Variants in SCAF4 observed in about 807,000 individuals in gnomAD.
SCAF4 encodes the protein SR-related and CTD-associated factor 4.
In SCAF4, 25 loss-of-function variants were observed where a neutral mutation model predicts 129.8. The observed-to-expected ratio is 0.19, with a 90% CI of 0.14 to 0.27. The LOEUF (loss-of-function observed/expected upper bound fraction) is 0.27, where lower values mean the gene tolerates loss of function less well. Ranked by LOEUF, SCAF4 falls within the 10% of genes least tolerant of loss-of-function variation. SCAF4 has a pLI of 1.00. For missense variants in SCAF4, 1,246 were observed against 1,457.1 expected, an observed-to-expected ratio of 0.86 and a Z score of 2.36; for synonymous variants, 551 against 497.7, an observed-to-expected ratio of 1.11 and a Z score of -1.43.
At chr21:31,693,573 T>C (rs1248768066) in intron 11 of SCAF4, 89 bp from the exon 12 acceptor site, 7 of 807,970 alleles carry the variant, frequency 8.7e-6, no homozygotes, top group Non-Finnish European at 1.7e-6. Flanking sequence ...GAACAAAAAC[T>C]AGGTAATTTA....
At chr21:31,706,485 G>A in intron 1 of SCAF4, 128 bp from the exon 2 acceptor site, 1 of 633,416 alleles carries the variant, frequency 1.6e-6, no homozygotes, top group South Asian at 2.0e-5. Flanking sequence ...GGGGGTCTTA[G>A]CAGCTAGGGC....
At chr21:31,701,229 GTTAAT>G in intron 6 of SCAF4, 58 bp from the exon 7 acceptor site, 1 of 1,406,104 alleles carries the variant, frequency 7.1e-7, no homozygotes, top group Non-Finnish European at 9.5e-7. Context: ...ACTATCAAAA[GTTAAT>G]TTAATAAAAA....
chr21:31,684,908 A>C (rs923362985), intron 19 of SCAF4, 141 bp downstream of exon 19: 3 of 597,328 alleles, frequency 5.0e-6, no homozygotes, highest in African/African-American at 1.9e-5. Flanking sequence ...ACAAACAAAC[A>C]AAACAACCAA....
chr21:31,710,363 A>G (rs184403994), intron 1 of SCAF4, among the ~76,000 whole-genome samples: 1 of 152,272 alleles, frequency 6.6e-6, no homozygotes, highest in East Asian at 1.9e-4. Context: ...GGCCTGGCCA[A>G]CATGGTGAAA....
chr21:31,709,080 C>T (rs1259376396), intron 1 of SCAF4, among the ~76,000 whole-genome samples: 1 of 152,164 alleles, frequency 6.6e-6, no homozygotes, highest in East Asian at 1.9e-4. Flanking sequence ...TATGGAGAAG[C>T]TAGGTAAGAA....
chr21:31,719,514 G>GT (rs113858949), intron 1 of SCAF4, among the ~76,000 whole-genome samples: 2,366 of 149,534 alleles, frequency 0.016, 67 homozygotes, highest in African/African-American at 0.055. Flanking sequence ...CTTTTTTTTT[G>GT]TTTTTTTGAG....
At chr21:31,726,042 C>T (rs2051193941) in intron 1 of SCAF4, among the ~76,000 whole-genome samples, 2 of 151,080 alleles carry the variant, frequency 1.3e-5, no homozygotes. Flanking sequence ...CTCTCTGTGG[C>T]CCTTAACTTT....
At position 31,685,260 on chromosome 21, in the gene SCAF4, C is replaced by G. The variant is rs1568829543; in HGVS notation, c.2297-20G>C. 1.3e-6 allele frequency: 2 copies of G among 1,547,488 alleles called. No individual in the cohort carries two copies. Among genetic ancestry groups the G allele is most frequent in the Non-Finnish European group, 1.8e-6 (2 of 1,121,524 alleles). On this transcript the variant is annotated intron_variant, in intron 18 of 19. Transcript: ENST00000286835. The stretch of plus-strand genomic sequence containing the variant: ...TAGTAGCTAAGGAATATAATTATAT[C>G]AACATGTGAAGCTGAATAATTAATT...
At chr21:31,682,357 G>A (rs748915183) in intron 19 of SCAF4, among the ~76,000 whole-genome samples, 1 of 149,024 alleles carries the variant, frequency 6.7e-6, no homozygotes, top group Non-Finnish European at 1.5e-5. Flanking sequence ...CCAACCTGGC[G>A]ACAGAGTGAG....
chr21:31,687,558 T>G (rs933741040), intron 16 of SCAF4, among the ~76,000 whole-genome samples: 4 of 152,120 alleles, frequency 2.6e-5, no homozygotes, highest in African/African-American at 9.7e-5. Flanking sequence ...TAAGAACACA[T>G]CTTCATGTTA....
At chr21:31,709,399 AACT>A (rs917418122) in intron 1 of SCAF4, among the ~76,000 whole-genome samples, 4 of 152,020 alleles carry the variant, frequency 2.6e-5, no homozygotes, top group Non-Finnish European at 4.4e-5. Flanking sequence ...CAACAGTAAG[AACT>A]ACTTCTCTGG....
chr21:31,714,736 CAA>C, intron 1 of SCAF4, among the ~76,000 whole-genome samples: 1 of 152,234 alleles, frequency 6.6e-6, no homozygotes, highest in African/African-American at 2.4e-5. Context: ...TTCTAAACTC[CAA>C]GGATTTTTAA....
intron 1 of SCAF4, among the ~76,000 whole-genome samples, chr21:31,717,329 G>A (rs2050942871): frequency 6.6e-6 from 1 of 151,954 alleles, no homozygotes; most frequent in Non-Finnish European, 1.5e-5. Flanking sequence ...AAAAGATCTG[G>A]TAACTACATA....
chr21:31,728,000 C>T (rs1233322151), intron 1 of SCAF4, among the ~76,000 whole-genome samples: 1 of 152,110 alleles, frequency 6.6e-6, no homozygotes. Context: ...AAATGGGTAT[C>T]TTTAATAACC....
intron 3 of SCAF4, among the ~76,000 whole-genome samples, chr21:31,705,114 G>GT (rs1157449077): frequency 6.6e-6 from 1 of 152,158 alleles, no homozygotes; most frequent in Non-Finnish European, 1.5e-5. Context: ...ATACTCAAAG[G>GT]TGAGTTAAAC....
chr21:31,729,217 C>G (rs1015616362), intron 1 of SCAF4, among the ~76,000 whole-genome samples: 9 of 152,166 alleles, frequency 5.9e-5, no homozygotes, highest in African/African-American at 2.2e-4. Context: ...ACTACTTTAC[C>G]ATCCTTACTT....
rs550274409 is a variant in SCAF4, at chr21:31,712,086, G to A, written c.31-5729C>T. 7.9e-5 allele frequency among the ~76,000 whole-genome samples: 12 copies of A among 152,220 alleles called. No individual in the cohort carries two copies. The South Asian group carries it at 1.2e-3, about 16-fold the overall frequency. The stretch of plus-strand genomic sequence containing the variant: ...ATTTTACCTTAGGGCATGAGGGAAA[G>A]CTTTAAATAGCCAGCATGTTATACA... On this transcript the variant is annotated intron_variant, in intron 1 of 19. Coordinates refer to ENST00000286835, the MANE Select transcript of SCAF4 (RefSeq NM_020706.2).
intron 1 of SCAF4, among the ~76,000 whole-genome samples, chr21:31,730,023 T>C (rs2051309742): frequency 6.6e-6 from 1 of 152,268 alleles, no homozygotes. Context: ...GATTCTGAAA[T>C]AAATTTTTAA....
At chr21:31,683,204 CCT>C (rs2050035919) in intron 19 of SCAF4, among the ~76,000 whole-genome samples, 1 of 152,076 alleles carries the variant, frequency 6.6e-6, no homozygotes, top group African/African-American at 2.4e-5. Context: ...CAAATGTTCC[CCT>C]CTCATGGGTC....
Sources: allele counts gnomAD v4.1 joint callset (sites outside exome capture counted in the v4.1 genomes callset), GRCh38; gene constraint gnomAD v4.1.1; transcripts MANE v1.5; gene names NCBI Gene and HGNC (gene_info 2026-07-23, HGNC 2026-07-21).